The following PLA2G5 variants were observed in gnomAD, a reference collection of about 807,000 sequenced individuals.
The protein encoded by PLA2G5 is Ca2+-dependent phospholipase A2.
Under a neutral mutation model 15.9 loss-of-function variants are expected in PLA2G5, and 12 were observed. The observed-to-expected ratio is 0.76, with a 90% CI of 0.48 to 1.23. The LOEUF is 1.23. PLA2G5 is among the 50% of genes most tolerant of loss of function. PLA2G5 has a pLI of 0.00. For missense variants in PLA2G5, 169 were observed against 177.1 expected (o/e 0.95, Z 0.26); for synonymous variants, 71 against 71.4 (o/e 0.99, Z 0.03).
chr1:20,066,761 C>T (rs1242800621), upstream of PLA2G5, among the ~76,000 whole-genome samples: 1 of 152,060 alleles, frequency 6.6e-6, no homozygotes, highest in Non-Finnish European at 1.5e-5. Context: ...AATTCTAGGA[C>T]TTTGGGAGGC....
chr1:20,069,260 T>G (rs1208413243), upstream of PLA2G5, among the ~76,000 whole-genome samples: 1 of 151,030 alleles, frequency 6.6e-6, no homozygotes, highest in Non-Finnish European at 1.5e-5. Context: ...CTATGCAATA[T>G]GCTTACAAAA....
Position 20,082,918 on chromosome 1 carries a change from G to A in PLA2G5, c.-10-1903G>A, listed in dbSNP as rs1448779737. ...CTTGGGGACCTCACTTCAATTGTCTGAGCCTCAATTTCCTTATCTGTAAAA... is the reference window on the plus strand; with the variant it reads ...CTTGGGGACCTCACTTCAATTGTCTAAGCCTCAATTTCCTTATCTGTAAAA... On this transcript the variant is annotated intron_variant, in intron 1 of 4. Coordinates refer to ENST00000375108, the MANE Select transcript of PLA2G5 (RefSeq NM_000929.3). Among the ~76,000 whole-genome samples, 2 of 152,004 alleles carry A rather than the reference G, an allele frequency of 1.3e-5. 1 individual carries two copies. Among genetic ancestry groups the A allele is most frequent in the Non-Finnish European group, 2.9e-5 (2 of 68,036 alleles).
chr1:20,080,657 G>A (rs1183894170), intron 1 of PLA2G5, among the ~76,000 whole-genome samples: 1 of 149,516 alleles, frequency 6.7e-6, no homozygotes, highest in African/African-American at 2.6e-5. Context: ...CAGGGTGAGG[G>A]GAAGTAGGGC....
At chr1:20,055,529 G>C (rs574480540) in intron 1 of PLA2G5, among the ~76,000 whole-genome samples, 1 of 152,244 alleles carries the variant, frequency 6.6e-6, no homozygotes, top group East Asian at 1.9e-4. Context: ...CCTGATGTTT[G>C]GCTGCAGGAC....
At chr1:20,063,331 T>A (rs1407297855) in intron 2 of PLA2G5, among the ~76,000 whole-genome samples, 1 of 152,122 alleles carries the variant, frequency 6.6e-6, no homozygotes, top group Non-Finnish European at 1.5e-5. Flanking sequence ...CAAACTGCAG[T>A]AAATTCTCCT....
intron 1 of PLA2G5, among the ~76,000 whole-genome samples, chr1:20,053,089 T>A (rs1158913849): frequency 6.6e-6 from 1 of 152,190 alleles, no homozygotes; most frequent in Admixed American, 6.5e-5. Context: ...CTTAGCCTGA[T>A]GTCATCAGGG....
intron 1 of PLA2G5, among the ~76,000 whole-genome samples, chr1:20,035,511 C>T (rs1233443473): frequency 2.0e-5 from 3 of 152,158 alleles, no homozygotes; most frequent in African/African-American, 7.2e-5. Flanking sequence ...GCAGTTTGGG[C>T]TAACAATCTG....
At chr1:20,075,271 C>T (rs2015605314) in intron 1 of PLA2G5, among the ~76,000 whole-genome samples, 1 of 151,076 alleles carries the variant, frequency 6.6e-6, no homozygotes, top group South Asian at 2.1e-4. Flanking sequence ...CTTAGCCTGA[C>T]CCCCAAGGGC....
At chr1:20,089,064 C>T (rs944906605) in intron 3 of PLA2G5, 6 of 152,232 alleles carry the variant, frequency 3.9e-5, no homozygotes, top group Admixed American at 2.0e-4. Flanking sequence ...GCCTCCCAAA[C>T]TGCTGAGATT....
At chr1:20,066,938 C>T (rs973231307), upstream of PLA2G5, among the ~76,000 whole-genome samples, 6 of 152,052 alleles carry the variant, frequency 3.9e-5, no homozygotes, top group African/African-American at 9.7e-5. Context: ...CTGAGTAGTT[C>T]GAGATGGTAG....
chr1:20,090,540 T>A (rs370484603), intron 4 of PLA2G5, 28 bp from the exon 5 acceptor site: 6 of 1,613,614 alleles, frequency 3.7e-6, no homozygotes, highest in Non-Finnish European at 5.1e-6. Context: ...CTTCCCACCC[T>A]CATTCTGCTC....
chr1:20,049,265 G>A (rs903402971), intron 1 of PLA2G5, among the ~76,000 whole-genome samples: 1 of 151,928 alleles, frequency 6.6e-6, no homozygotes, highest in Non-Finnish European at 1.5e-5. Flanking sequence ...CACAATAAGA[G>A]GATTTATTTT....
At chr1:20,084,346 T>C (rs1569826180) in intron 1 of PLA2G5, among the ~76,000 whole-genome samples, 2 of 152,344 alleles carry the variant, frequency 1.3e-5, no homozygotes, top group South Asian at 4.1e-4. Context: ...GAGTATGAGA[T>C]GTAGAATCAC....
chr1:20,088,001 C>A (rs1454790854), intron 3 of PLA2G5, among the ~76,000 whole-genome samples: 1 of 152,156 alleles, frequency 6.6e-6, no homozygotes. Context: ...ACCAGTACCC[C>A]CTCAAAACAG....
At chr1:20,068,972 C>T (rs2015196781), upstream of PLA2G5, 12 of 1,282,806 alleles carry the variant, frequency 9.4e-6, no homozygotes, top group South Asian at 1.4e-4. Context: ...ACAAAGAGGC[C>T]CAGAATTGGC....
chr1:20,080,032 C>G (rs969996260), intron 1 of PLA2G5, among the ~76,000 whole-genome samples: 1 of 152,144 alleles, frequency 6.6e-6, no homozygotes, highest in African/African-American at 2.4e-5. Flanking sequence ...AGGACGGGGA[C>G]AAAGCTGCAA....
chr1:20,048,508 A>G (rs2014029724), intron 1 of PLA2G5, among the ~76,000 whole-genome samples: 1 of 152,224 alleles, frequency 6.6e-6, no homozygotes, highest in Non-Finnish European at 1.5e-5. Context: ...TGAATTTAGT[A>G]AGATTACCAT....
At position 20,043,688 on chromosome 1, in the gene PLA2G5, A is replaced by G. The variant is rs553970177; in HGVS notation, n.276+14979A>G. ...GGGAACAGGGCAGGTAGGGATAACTAAAAAAGAGTGCATAAAAGAATGTTG... is the reference window on the plus strand; with the variant it reads ...GGGAACAGGGCAGGTAGGGATAACTGAAAAAGAGTGCATAAAAGAATGTTG... On this transcript the variant is annotated intron_variant and non_coding_transcript_variant, in intron 1 of 6. Coordinates refer to the PLA2G5 transcript ENST00000460175. Among the ~76,000 whole-genome samples the G allele has an allele frequency of 3.3e-5, 5 of 152,316 alleles. No homozygotes were observed. The South Asian group carries it at 1.0e-3, about 32-fold the overall frequency.
chr1:20,087,967 G>A (rs556669353), intron 3 of PLA2G5, among the ~76,000 whole-genome samples: 35 of 152,140 alleles, frequency 2.3e-4, no homozygotes, highest in Non-Finnish European at 3.8e-4. Context: ...AATCCCAATC[G>A]TGGGGCATCT....
Sources: allele counts gnomAD v4.1 joint callset (sites outside exome capture counted in the v4.1 genomes callset), GRCh38; gene constraint gnomAD v4.1.1; transcripts MANE v1.5; gene names NCBI Gene and HGNC (gene_info 2026-07-23, HGNC 2026-07-21).